CUL3: variants seen among roughly 807,000 people sequenced by gnomAD.
CUL3 encodes cullin-3.
In CUL3, 19 loss-of-function variants were observed where a neutral mutation model predicts 89.1. That is an observed-to-expected ratio of 0.21 (90% CI 0.15 to 0.31). CUL3 has a LOEUF of 0.31. Ranked by LOEUF, CUL3 falls within the 10% of genes least tolerant of loss-of-function variation. The pLI is 1.00. For missense variants in CUL3, 469 were observed against 942.3 expected, an observed-to-expected ratio of 0.50 and a Z score of 6.58; for synonymous variants, 351 against 308.4, an observed-to-expected ratio of 1.14 and a Z score of -1.45.
intron 13 of CUL3, among the ~76,000 whole-genome samples, chr2:224,486,759 T>C (rs1219447127): frequency 6.6e-6 from 1 of 151,932 alleles, no homozygotes; most frequent in African/African-American, 2.4e-5. Context: ...ATTCAGGAAA[T>C]ACAGAGAACA....
chr2:224,514,147 T>C (rs1692945444), intron 4 of CUL3, among the ~76,000 whole-genome samples: 1 of 152,140 alleles, frequency 6.6e-6, no homozygotes, highest in Non-Finnish European at 1.5e-5. Flanking sequence ...AGCTGCAGCA[T>C]CACCAAAATG....
intron 2 of CUL3, among the ~76,000 whole-genome samples, chr2:224,549,348 A>T (rs956863218): frequency 1.3e-5 from 2 of 152,038 alleles, no homozygotes; most frequent in African/African-American, 4.8e-5. Context: ...AAAAAAATTG[A>T]AACATTTTTA....
At chr2:224,478,377 T>C (rs1378467824) in intron 14 of CUL3, 32 bp from the exon 15 acceptor site, 1 of 1,582,962 alleles carries the variant, frequency 6.3e-7, no homozygotes, top group East Asian at 2.2e-5. Flanking sequence ...TTATCATAAA[T>C]CTAATTTTAA....
intron 1 of CUL3, among the ~76,000 whole-genome samples, chr2:224,570,360 T>G (rs1695155554): frequency 6.6e-6 from 1 of 152,196 alleles, no homozygotes. Flanking sequence ...TTTGAACAAA[T>G]TAACCTTTCA....
intron 2 of CUL3, among the ~76,000 whole-genome samples, chr2:224,543,442 T>C (rs2106279570): frequency 6.6e-6 from 1 of 152,356 alleles, no homozygotes; most frequent in African/African-American, 2.4e-5. Context: ...TATGTCATTC[T>C]ATAAATCTAT....
intron 6 of CUL3, among the ~76,000 whole-genome samples, chr2:224,507,933 G>A (rs1195611137): frequency 1.3e-5 from 2 of 152,100 alleles, no homozygotes; most frequent in Non-Finnish European, 2.9e-5. Context: ...TTTCTGTAAA[G>A]TATCAGATAA....
At chr2:224,518,349 A>G (rs1001342792) in intron 3 of CUL3, among the ~76,000 whole-genome samples, 5 of 152,170 alleles carry the variant, frequency 3.3e-5, no homozygotes, top group Admixed American at 1.3e-4. Flanking sequence ...GCATGGATAC[A>G]CCACATTTTG....
chr2:224,537,472 C>CTA (rs1199715997), intron 2 of CUL3, among the ~76,000 whole-genome samples: 1 of 152,100 alleles, frequency 6.6e-6, no homozygotes, highest in Non-Finnish European at 1.5e-5. Context: ...AAAATGTTAA[C>CTA]TATATCAAGT....
chr2:224,501,920 A>G (rs191604589), intron 10 of CUL3, among the ~76,000 whole-genome samples: 213 of 152,334 alleles, frequency 1.4e-3, no homozygotes, highest in African/African-American at 4.9e-3. Context: ...AAATATATCA[A>G]TATATTAGAT....
At chr2:224,559,618 A>G (rs1003484304) in intron 1 of CUL3, among the ~76,000 whole-genome samples, 2 of 152,104 alleles carry the variant, frequency 1.3e-5, no homozygotes, top group African/African-American at 2.4e-5. Flanking sequence ...TCTTTCCATT[A>G]TATCTTGAAT....
chr2:224,505,979 T>G lies in CUL3; in HGVS notation c.1183A>C (p.Lys395Gln). ...ACCCCTTTGACTCCCTTTTTCAGCTTATCATCAATAAATAATGAGAGGTAT... is the reference window on the plus strand; with the variant it reads ...ACCCCTTTGACTCCCTTTTTCAGCTGATCATCAATAAATAATGAGAGGTAT... The part of the protein sequence containing the change: ...PEYLSLFIDD[K>Q]LKKGVKGLTE... Residue 395 changes from lysine (K) to glutamine (Q), a missense_variant, in exon 8 of 16, where the codon AAG (lysine) becomes CAG (glutamine). By Grantham distance (53) the Lys-to-Gln change is moderately conservative. Around this residue, in one of 4 missense-constraint regions of CUL3, gnomAD observed 370 missense variants for 733.2 expected, o/e 0.50. Coordinates refer to ENST00000264414, the MANE Select transcript of CUL3 (RefSeq NM_003590.5). The G allele has an allele frequency of 1.2e-6, 2 of 1,600,806 alleles. No homozygotes were observed. The highest frequency in any genetic ancestry group is 1.7e-6 in the Non-Finnish European group (2 of 1,173,504).
At chr2:224,564,038 C>A (rs1313385560) in intron 1 of CUL3, among the ~76,000 whole-genome samples, 1 of 152,144 alleles carries the variant, frequency 6.6e-6, no homozygotes, top group Non-Finnish European at 1.5e-5. Flanking sequence ...GTAATCCCAG[C>A]ACTTTGGGAG....
intron 2 of CUL3, among the ~76,000 whole-genome samples, chr2:224,540,097 C>A (rs1694045702): frequency 6.6e-6 from 1 of 151,242 alleles, no homozygotes; most frequent in South Asian, 2.1e-4. Context: ...CGCTCTGTTG[C>A]CCAGGCTGGG....
intron 4 of CUL3, 33 bp downstream of exon 4, chr2:224,514,579 C>T (rs1692965088): frequency 1.3e-6 from 2 of 1,563,024 alleles, no homozygotes; most frequent in South Asian, 1.2e-5. Context: ...ATCACTAAAA[C>T]CAAAACCACA....
chr2:224,508,997 T>C (rs1027681340), intron 6 of CUL3, among the ~76,000 whole-genome samples: 1 of 150,904 alleles, frequency 6.6e-6, no homozygotes, highest in Non-Finnish European at 1.5e-5. Flanking sequence ...CTTCATTTCA[T>C]AGTGCTATCT....
At chr2:224,535,807 G>A (rs575820866) in intron 2 of CUL3, among the ~76,000 whole-genome samples, 166 bp from the exon 3 acceptor site, 16 of 152,162 alleles carry the variant, frequency 1.1e-4, no homozygotes, top group Non-Finnish European at 1.9e-4. Flanking sequence ...ATACACAGAA[G>A]AGTATCAAAT....
intron 1 of CUL3, among the ~76,000 whole-genome samples, chr2:224,574,243 A>G (rs1695248093): frequency 6.6e-6 from 1 of 152,206 alleles, no homozygotes; most frequent in African/African-American, 2.4e-5. Context: ...TTTGGGTCCA[A>G]TCCTTTCTCA....
intron 1 of CUL3, among the ~76,000 whole-genome samples, chr2:224,569,185 G>A (rs1695119618): frequency 6.6e-6 from 1 of 152,146 alleles, no homozygotes; most frequent in African/African-American, 2.4e-5. Flanking sequence ...TGATTAAGTT[G>A]CAATAACTGC....
chr2:224,498,780 T>C (rs766408335), intron 11 of CUL3, among the ~76,000 whole-genome samples: 4 of 152,340 alleles, frequency 2.6e-5, no homozygotes, highest in Non-Finnish European at 5.9e-5. Flanking sequence ...ACAAGATTAA[T>C]GGATTAAAAC....
Sources: gnomAD v4.1 joint callset for allele counts (sites outside exome capture counted in the v4.1 genomes callset) on GRCh38, gnomAD v4.1.1 for gene constraint, gnomAD v4.1.1 regional missense constraint, MANE v1.5 for transcripts, NCBI Gene and HGNC (gene_info 2026-07-23, HGNC 2026-07-21) for gene names.